The following PCDHA8 variants were observed in gnomAD, a reference collection of about 807,000 sequenced individuals.
PCDHA8 encodes protocadherin alpha 8, also known as protocadherin alpha-8.
Under a neutral mutation model 61.8 loss-of-function variants are expected in PCDHA8, and 53 were observed. The ratio of observed to expected loss-of-function variants is 0.86; its 90% CI spans 0.69 to 1.08. The LOEUF (loss-of-function observed/expected upper bound fraction) is 1.08, where lower values mean the gene tolerates loss of function less well. Ranked by LOEUF, PCDHA8 falls within the 50% of genes least tolerant of loss-of-function variation. The pLI is 0.00. For missense variants in PCDHA8, 1,293 were observed against 1,245.0 expected (o/e 1.04, Z -0.58); for synonymous variants, 618 against 556.6 (o/e 1.11, Z -1.55).
In PCDHA8 at chr5:140,992,017, CTGTGTG is replaced by C. The variant is rs10602499; in HGVS notation, c.2542+9486_2542+9491del. On this transcript the variant is annotated intron_variant, in intron 3 of 3. Coordinates refer to ENST00000531613, the MANE Select transcript of PCDHA8 (RefSeq NM_018911.3). ...CTTTCATGTTCAGGCAGAGGTGGCT[CTGTGTG>C]TGTGTGTGTGTGTGTGTGTGTGTGT... 2.1e-3 allele frequency among the ~76,000 whole-genome samples: 300 copies of C among 145,496 alleles called. 2 individuals carry two copies. The highest frequency in any genetic ancestry group is 4.8e-3 in the African/African-American group (189 of 39,270).
intron 1 of PCDHA8, among the ~76,000 whole-genome samples, chr5:140,880,576 A>G (rs1274181037): frequency 6.6e-6 from 1 of 152,216 alleles, no homozygotes; most frequent in African/African-American, 2.4e-5. Flanking sequence ...ATTTGAGAAG[A>G]GAGGAAAGAG....
At chr5:141,002,474 C>T (rs141241701) in intron 3 of PCDHA8, among the ~76,000 whole-genome samples, 65 of 152,334 alleles carry the variant, frequency 4.3e-4, no homozygotes, top group African/African-American at 1.3e-3. Flanking sequence ...TTAGCATTTT[C>T]AAAGGATGAC....
chr5:140,882,739 A>C (rs781997612), intron 1 of PCDHA8: 1 of 1,614,142 alleles, frequency 6.2e-7, no homozygotes, highest in East Asian at 2.2e-5. Flanking sequence ...TAGATGGCGC[A>C]TCCGATGCAG....
At chr5:140,940,987 T>A (rs1239979893) in intron 1 of PCDHA8, among the ~76,000 whole-genome samples, 2 of 152,190 alleles carry the variant, frequency 1.3e-5, no homozygotes, top group African/African-American at 4.8e-5. Flanking sequence ...TAGTTACAAG[T>A]TTATAGGATT....
chr5:140,878,084 T>C (rs782330226), intron 1 of PCDHA8: 82 of 330,796 alleles, frequency 2.5e-4, no homozygotes, highest in Admixed American at 2.3e-4. Flanking sequence ...TATAATATTT[T>C]ATATGACTGA....
rs2150440873 is a variant in PCDHA8, at chr5:140,849,570, G to C, written c.2394+5855G>C. The C allele has an allele frequency of 3.3e-4, 531 of 1,598,560 alleles. 47 individuals carry two copies. Among genetic ancestry groups the C allele is most frequent in the Non-Finnish European group, 4.4e-4 (516 of 1,167,980 alleles). On this transcript the variant is annotated intron_variant, in intron 1 of 3. Coordinates refer to ENST00000531613, the MANE Select transcript of PCDHA8 (RefSeq NM_018911.3). ...GACTATCAAAACGCTCTCGGTTCCTGTAAAAGAGGACGCACAACTGGGGAC... is the reference window on the plus strand; with the variant it reads ...GACTATCAAAACGCTCTCGGTTCCTCTAAAAGAGGACGCACAACTGGGGAC...
At chr5:140,920,638 G>T (rs1245142321) in intron 1 of PCDHA8, among the ~76,000 whole-genome samples, 2 of 152,114 alleles carry the variant, frequency 1.3e-5, no homozygotes, top group African/African-American at 4.8e-5. Flanking sequence ...AAGGTCAAGA[G>T]ATTGAGACCA....
Position 140,890,802 on chromosome 5 carries a change from A to G in PCDHA8, c.2394+47087A>G, listed in dbSNP as rs1401387956. On this transcript the variant is annotated intron_variant, in intron 1 of 3. Transcript: ENST00000531613. The stretch of plus-strand genomic sequence containing the variant: ...TAAGATATTAGTATTATTTTATACA[A>G]TCAACATTGTTTTAAATGTACTTAC... 5.3e-5 allele frequency among the ~76,000 whole-genome samples: 8 copies of G among 152,310 alleles called. 1 individual carries two copies. Among genetic ancestry groups the G allele is most frequent in the Admixed American group, 4.6e-4 (7 of 15,296 alleles).
intron 1 of PCDHA8, among the ~76,000 whole-genome samples, chr5:140,909,018 A>AT: frequency 6.6e-6 from 1 of 152,230 alleles, no homozygotes; most frequent in East Asian, 1.9e-4. Context: ...AGGTTCCTGA[A>AT]TTTTAGTCAT....
At position 140,850,017 on chromosome 5, in the gene PCDHA8, G is replaced by A. The variant is rs149779533; in HGVS notation, c.2394+6302G>A. On this transcript the variant is annotated intron_variant, in intron 1 of 3. Transcript: ENST00000531613. ...GGGCGAGCGCTCGCTGTCGAGCTAC[G>A]TGTCAGTGCACGCGGAGAGCGGCAA... is the stretch of plus-strand genomic sequence containing the variant. 9,030 of 1,596,972 alleles carry A rather than the reference G, an allele frequency of 5.7e-3. 796 individuals are homozygous for A. Among genetic ancestry groups the A allele is most frequent in the South Asian group, 0.03 (2,755 of 90,494 alleles).
At chr5:140,993,727 T>C (rs1482867785) in intron 3 of PCDHA8, among the ~76,000 whole-genome samples, 1 of 152,220 alleles carries the variant, frequency 6.6e-6, no homozygotes, top group Non-Finnish European at 1.5e-5. Context: ...ACCTTTTCTA[T>C]GTTTAGATAC....
chr5:140,961,236 T>C (rs246004), intron 1 of PCDHA8, among the ~76,000 whole-genome samples: 47,773 of 152,034 alleles, frequency 0.31, 7,861 homozygotes, highest in East Asian at 0.53. Context: ...AAAAAGGTGA[T>C]GGAATTTATC....
rs199624636 is a variant in PCDHA8, at chr5:141,009,721, C to T, written c.2637C>T (p.Ser879=). The change falls in exon 4 of 4, where the codon TCC becomes TCT. Residue 879 remains serine (S), a synonymous_variant. Coordinates refer to ENST00000531613, the MANE Select transcript of PCDHA8 (RefSeq NM_018911.3). ...FKYGPGNPKQ[S]GPGELPDKFI... ...ACGGACCAGGCAACCCCAAACAATCCGGTCCCGGTGAGTTGCCCGACAAAT... is the reference window on the plus strand; with the variant it reads ...ACGGACCAGGCAACCCCAAACAATCTGGTCCCGGTGAGTTGCCCGACAAAT... 1.3e-5 allele frequency: 21 copies of T among 1,614,012 alleles called. No individual in the cohort carries two copies. The highest frequency in any genetic ancestry group is 1.7e-5 in the Non-Finnish European group (20 of 1,180,038).
At chr5:140,996,968 C>G (rs1290343779) in intron 3 of PCDHA8, among the ~76,000 whole-genome samples, 1 of 152,132 alleles carries the variant, frequency 6.6e-6, no homozygotes, top group Non-Finnish European at 1.5e-5. Context: ...CAATCCCACT[C>G]CCCTTTGGTG....
At position 140,858,707 on chromosome 5, in the gene PCDHA8, A is replaced by G. The variant is rs1234055961; in HGVS notation, c.2394+14992A>G. On this transcript the variant is annotated intron_variant, in intron 1 of 3. Transcript: ENST00000531613. The stretch of plus-strand genomic sequence containing the variant: ...TAATATTTTCCAATACAAATATGTG[A>G]TATAGGTTGCAGTTCTGACGATTTA... 2 of 547,800 alleles carry G rather than the reference A, an allele frequency of 3.7e-6. 1 individual carries two copies. Among genetic ancestry groups the G allele is most frequent in the Non-Finnish European group, 6.3e-6 (2 of 316,316 alleles). The allele number at this position is 547,800 out of a possible 1,614,324, so 33.9% of individuals were successfully genotyped here.
intron 1 of PCDHA8, chr5:140,857,896 T>G: frequency 6.3e-7 from 1 of 1,597,704 alleles, no homozygotes; most frequent in Admixed American, 1.7e-5. Flanking sequence ...CGGCGGTTGG[T>G]GCACGCATCC....
chr5:140,850,659 C>G (rs782752701), intron 1 of PCDHA8: 1 of 1,598,246 alleles, frequency 6.3e-7, no homozygotes, highest in African/African-American at 1.3e-5. Context: ...CACTGTGCTG[C>G]GGTGCTCGGC....
chr5:140,856,385 C>T lies in PCDHA8; in HGVS notation c.2394+12670C>T, dbSNP rs190288099. On this transcript the variant is annotated intron_variant, in intron 1 of 3. Coordinates refer to ENST00000531613, the MANE Select transcript of PCDHA8 (RefSeq NM_018911.3). ...CCTGGAGGTGATCGTGGACAGGCCG[C>T]TGCAGGTTTTCCATGTGGACGTGGA... 1.5e-4 allele frequency: 246 copies of T among 1,598,538 alleles called. 26 individuals are homozygous for T. The highest frequency in any genetic ancestry group is 2.0e-4 in the Non-Finnish European group (228 of 1,167,982).
At chr5:140,882,365 T>C (rs141224516) in intron 1 of PCDHA8, 1 of 1,614,208 alleles carries the variant, frequency 6.2e-7, no homozygotes, top group Non-Finnish European at 8.5e-7. Context: ...CCAGCTCCAC[T>C]ACTCCGTCCC....
Sources: allele counts gnomAD v4.1 joint callset (sites outside exome capture counted in the v4.1 genomes callset), GRCh38; gene constraint gnomAD v4.1.1; transcripts MANE v1.5; gene names NCBI Gene and HGNC (gene_info 2026-07-23, HGNC 2026-07-21).